The following ARHGAP15 variants were observed in gnomAD, a reference collection of about 807,000 sequenced individuals.
ARHGAP15 encodes rho GTPase-activating protein 15.
ARHGAP15 carries 51 observed loss-of-function variants against 63.7 expected under a neutral mutation model. The observed-to-expected ratio is 0.80, with a 90% CI of 0.64 to 1.01. ARHGAP15 has a LOEUF of 1.01. Ranked by LOEUF, ARHGAP15 falls within the 50% of genes least tolerant of loss-of-function variation. ARHGAP15 has a pLI of 0.00. For synonymous variants in ARHGAP15, 191 were observed against 193.8 expected, an observed-to-expected ratio of 0.99 and a Z score of 0.12; for missense variants, 560 against 564.6, an observed-to-expected ratio of 0.99 and a Z score of 0.08.
At chr2:143,637,104 G>GC (rs5834960) in intron 12 of ARHGAP15, among the ~76,000 whole-genome samples, 113 of 151,368 alleles carry the variant, frequency 7.5e-4, no homozygotes, top group East Asian at 7.8e-4. Context: ...AAACTTTGTT[G>GC]CCCCCCCCAA....
At chr2:143,294,874 G>A (rs1259408954) in intron 6 of ARHGAP15, among the ~76,000 whole-genome samples, 1 of 152,046 alleles carries the variant, frequency 6.6e-6, no homozygotes, top group Non-Finnish European at 1.5e-5. Context: ...GAAACCAGAA[G>A]AAAATTTAAT....
chr2:143,742,775 G>A (rs550623548), intron 13 of ARHGAP15, among the ~76,000 whole-genome samples: 2 of 152,314 alleles, frequency 1.3e-5, no homozygotes, highest in East Asian at 3.9e-4. Flanking sequence ...AGGCTTGTCA[G>A]TGATAATAAT....
intron 2 of ARHGAP15, among the ~76,000 whole-genome samples, chr2:143,174,244 T>C (rs944188775): frequency 2.0e-5 from 3 of 152,118 alleles, no homozygotes; most frequent in Non-Finnish European, 2.9e-5. Context: ...ATCTCTCATA[T>C]TGATCTTCAA....
intron 10 of ARHGAP15, among the ~76,000 whole-genome samples, chr2:143,548,944 T>G (rs1695445214): frequency 6.6e-6 from 1 of 151,890 alleles, no homozygotes; most frequent in Admixed American, 6.6e-5. Context: ...AAAAGGAGAA[T>G]TGAAAAATGC....
chr2:143,349,802 T>C (rs1405372898), intron 6 of ARHGAP15, among the ~76,000 whole-genome samples: 1 of 152,188 alleles, frequency 6.6e-6, no homozygotes, highest in Non-Finnish European at 1.5e-5. Context: ...CTATGTATGG[T>C]TGAGCAAGTG....
intron 1 of ARHGAP15, among the ~76,000 whole-genome samples, chr2:143,147,789 AT>A (rs927634116): frequency 6.6e-6 from 1 of 151,934 alleles, no homozygotes; most frequent in African/African-American, 2.4e-5. Flanking sequence ...ATTCTGGAAT[AT>A]TTTTTCCGTA....
intron 6 of ARHGAP15, among the ~76,000 whole-genome samples, chr2:143,432,620 T>G (rs1174421190): frequency 6.6e-6 from 1 of 152,074 alleles, no homozygotes; most frequent in East Asian, 1.9e-4. Context: ...CCACTCTGCA[T>G]GTTGCTCAGT....
At chr2:143,431,466 C>T (rs562208935) in intron 6 of ARHGAP15, among the ~76,000 whole-genome samples, 2 of 152,114 alleles carry the variant, frequency 1.3e-5, no homozygotes, top group African/African-American at 4.8e-5. Flanking sequence ...ACTTTGCATA[C>T]CAAGTGGTGG....
intron 1 of ARHGAP15, among the ~76,000 whole-genome samples, chr2:143,143,668 C>T (rs951137712): frequency 1.3e-5 from 2 of 151,520 alleles, no homozygotes; most frequent in African/African-American, 2.4e-5. Flanking sequence ...ACACTGGGAC[C>T]AACTTCACAG....
chr2:143,572,544 A>G (rs554659872), intron 11 of ARHGAP15, among the ~76,000 whole-genome samples: 1 of 152,290 alleles, frequency 6.6e-6, no homozygotes, highest in South Asian at 2.1e-4. Context: ...TCCTGGGAAT[A>G]TAAGGTAAGA....
At chr2:143,759,034 A>C (rs1285359749) in intron 13 of ARHGAP15, among the ~76,000 whole-genome samples, 1 of 152,212 alleles carries the variant, frequency 6.6e-6, no homozygotes, top group Non-Finnish European at 1.5e-5. Context: ...TTGGGGCTAG[A>C]TAATTCTTTG....
At chr2:143,167,685 C>A (rs1690601567) in intron 2 of ARHGAP15, among the ~76,000 whole-genome samples, 1 of 152,094 alleles carries the variant, frequency 6.6e-6, no homozygotes, top group South Asian at 2.1e-4. Context: ...CTGTTTCAGA[C>A]TTTTCCTCAT....
intron 11 of ARHGAP15, among the ~76,000 whole-genome samples, chr2:143,602,462 G>A (rs1697811922): frequency 6.6e-6 from 1 of 152,146 alleles, no homozygotes; most frequent in Non-Finnish European, 1.5e-5. Context: ...GGACAGGAGG[G>A]AACAGATTTT....
intron 8 of ARHGAP15, among the ~76,000 whole-genome samples, chr2:143,476,860 G>A (rs1691841829): frequency 6.6e-6 from 1 of 152,162 alleles, no homozygotes. Context: ...TGTGTTACAT[G>A]CGATGAGCTT....
chr2:143,403,627 T>C (rs753647868), intron 6 of ARHGAP15, among the ~76,000 whole-genome samples: 23 of 151,852 alleles, frequency 1.5e-4, no homozygotes, highest in Non-Finnish European at 2.2e-4. Context: ...GGAGAAGGCA[T>C]GCCCAGCAAT....
At chr2:143,683,367 CTT>C (rs923563060) in intron 12 of ARHGAP15, among the ~76,000 whole-genome samples, 25 of 151,904 alleles carry the variant, frequency 1.6e-4, no homozygotes, top group Non-Finnish European at 3.2e-4. Context: ...AATTGATAAA[CTT>C]CAGAATATTT....
At chr2:143,292,661 C>A (rs1005717829) in intron 6 of ARHGAP15, among the ~76,000 whole-genome samples, 4 of 151,874 alleles carry the variant, frequency 2.6e-5, no homozygotes, top group Non-Finnish European at 5.9e-5. Flanking sequence ...TTTCATAAAT[C>A]ACTTCCAAAG....
intron 13 of ARHGAP15, among the ~76,000 whole-genome samples, chr2:143,719,426 G>T (rs1019605511): frequency 6.6e-6 from 1 of 152,066 alleles, no homozygotes; most frequent in Non-Finnish European, 1.5e-5. Flanking sequence ...TTTCCATCTG[G>T]ACACTTCATA....
intron 8 of ARHGAP15, among the ~76,000 whole-genome samples, chr2:143,439,385 T>C (rs1689762885): frequency 8.8e-6 from 1 of 113,608 alleles, no homozygotes; most frequent in Non-Finnish European, 1.7e-5. Context: ...ATTTCACCAC[T>C]GCACTCCAGC....
Sources: gnomAD v4.1 joint callset for allele counts (sites outside exome capture counted in the v4.1 genomes callset) on GRCh38, gnomAD v4.1.1 for gene constraint, MANE v1.5 for transcripts, NCBI Gene and HGNC (gene_info 2026-07-23, HGNC 2026-07-21) for gene names.